Variants in ERH observed in about 807,000 individuals in gnomAD.
ERH encodes ERH mRNA splicing and mitosis factor, also known as enhancer of rudimentary homolog.
In ERH, 1 loss-of-function variant was observed where a neutral mutation model predicts 16.8. That is an observed-to-expected ratio of 0.06 (90% CI 0.02 to 0.28). ERH has a LOEUF of 0.28. Among genes scored for constraint, ERH ranks in the 10% least tolerant of loss-of-function variants. ERH has a pLI of 1.00. For synonymous variants in ERH, 43 were observed against 43.6 expected (o/e 0.99, Z 0.05); for missense variants, 42 against 127.5 (o/e 0.33, Z 3.23).
Position 69,380,548 on chromosome 14 carries a change from G to A in ERH, c.305C>T (p.Ala102Val). 7.3e-7 allele frequency: 1 copy of A among 1,363,682 alleles called. No homozygotes were observed. 84.5% of individuals were successfully genotyped at this position (1,363,682 alleles called of 1,614,324 possible). A position where few individuals can be genotyped will look rare whatever the true frequency, so the allele number is the denominator to read the frequency against. Residue 102 changes from alanine (A) to valine (V), a missense_variant, in exon 4 of 4, where the codon GCT becomes GTT. Ala to Val is a moderately conservative substitution (Grantham distance 64, BLOSUM62 0). Transcript: ENST00000557016. ...GTGCTTCCAACACAATTATTTCCCA[G>A]CCTGTTGGGCCTGCCGACGAAGGAG... ...YVLLRRQAQQ[A>V]GK
intron 3 of ERH, among the ~76,000 whole-genome samples, chr14:69,384,531 T>TGGG (rs1281400021): frequency 6.6e-6 from 1 of 152,210 alleles, no homozygotes; most frequent in African/African-American, 2.4e-5. Context: ...TCCCACTTAC[T>TGGG]GGGAGTAAGT....
chr14:69,387,385 A>G (rs930442996), intron 2 of ERH, among the ~76,000 whole-genome samples: 1 of 151,952 alleles, frequency 6.6e-6, no homozygotes, highest in African/African-American at 2.4e-5. Context: ...ACACAGGGAG[A>G]CCTCATCTCT....
chr14:69,383,619 A>G (rs565112264), intron 3 of ERH, among the ~76,000 whole-genome samples: 3 of 152,230 alleles, frequency 2.0e-5, no homozygotes, highest in East Asian at 3.8e-4. Context: ...AACATTAGAA[A>G]CAAACAAATA....
intron 1 of ERH, chr14:69,397,960 A>T (rs1882401668): frequency 1.7e-6 from 1 of 589,036 alleles, no homozygotes; most frequent in Non-Finnish European, 3.0e-6. Context: ...TCTACCGAGT[A>T]ACAATCGGGA....
At chr14:69,392,519 TG>T (rs1300723055) in intron 2 of ERH, among the ~76,000 whole-genome samples, 1 of 151,602 alleles carries the variant, frequency 6.6e-6, no homozygotes, top group Non-Finnish European at 1.5e-5. Flanking sequence ...AGGTTGAGGG[TG>T]GGGTAGGAGG....
intron 2 of ERH, among the ~76,000 whole-genome samples, chr14:69,393,401 T>C (rs1219250480): frequency 6.6e-6 from 1 of 152,254 alleles, no homozygotes; most frequent in South Asian, 2.1e-4. Context: ...ATCAACTACG[T>C]ATCCATCAAT....
At chr14:69,386,276 C>G (rs2045892402) in intron 3 of ERH, among the ~76,000 whole-genome samples, 1 of 152,222 alleles carries the variant, frequency 6.6e-6, no homozygotes, top group African/African-American at 2.4e-5. Context: ...GTATATTTCT[C>G]ATCACTGCTC....
chr14:69,393,971 T>C (rs1476423175), intron 2 of ERH, among the ~76,000 whole-genome samples: 2 of 151,104 alleles, frequency 1.3e-5, no homozygotes, highest in East Asian at 2.0e-4. Context: ...CAATAAGCCA[T>C]TATCACCACT....
chr14:69,386,652 G>T, intron 3 of ERH: 1 of 207,278 alleles, frequency 4.8e-6, no homozygotes, highest in Non-Finnish European at 9.6e-6. Context: ...AAAACCAATG[G>T]CTTTAAGACA....
intron 2 of ERH, among the ~76,000 whole-genome samples, chr14:69,389,936 T>C (rs2045914813): frequency 6.6e-6 from 1 of 152,138 alleles, no homozygotes. Flanking sequence ...TTTTTGTACT[T>C]TTTGGAGAGC....
chr14:69,393,309 C>CT (rs962259441), intron 2 of ERH, among the ~76,000 whole-genome samples: 7 of 152,138 alleles, frequency 4.6e-5, no homozygotes, highest in African/African-American at 1.7e-4. Context: ...GAGTGAGACT[C>CT]TGTCTCAAAA....
Position 69,380,330 on chromosome 14 carries a change from A to T in ERH, c.*208T>A. 1 of 265,068 alleles carries T rather than the reference A, an allele frequency of 3.8e-6. No individual in the cohort carries two copies. The highest frequency in any genetic ancestry group is 7.1e-6 in the Non-Finnish European group (1 of 140,276). 16.4% of individuals were successfully genotyped at this position (265,068 alleles called of 1,614,324 possible). ...AAATCATCATAAAAATGTTTAAGTA[A>T]AAAAAAAAAAAGAAAGAGAAAGAAA... is the stretch of plus-strand genomic sequence containing the variant. On this transcript the variant is annotated 3_prime_UTR_variant, in exon 4 of 4. Transcript: ENST00000557016.
rs578207607 is a variant in ERH, at chr14:69,382,728, A to T, written c.213-2088T>A. Among the ~76,000 whole-genome samples the T allele has an allele frequency of 2.0e-5, 3 of 150,374 alleles. No individual in the cohort carries two copies. In the South Asian group the frequency reaches 6.3e-4, roughly 32 times the overall value. On this transcript the variant is annotated intron_variant, in intron 3 of 3. Transcript: ENST00000557016. The stretch of plus-strand genomic sequence containing the variant: ...GTGGCGCGCACCTGTAGTCCCAGCT[A>T]CTCGGGAGGCTGAGGCAGGAGAATC...
At chr14:69,395,334 A>C (rs1229700660) in intron 1 of ERH, among the ~76,000 whole-genome samples, 1 of 152,116 alleles carries the variant, frequency 6.6e-6, no homozygotes, top group Non-Finnish European at 1.5e-5. Context: ...TTTCCCACAA[A>C]AATATTGATG....
At chr14:69,381,282 C>T (rs1454632329) in intron 3 of ERH, among the ~76,000 whole-genome samples, 1 of 151,874 alleles carries the variant, frequency 6.6e-6, no homozygotes, top group Admixed American at 6.6e-5. Flanking sequence ...ACAAAAACAA[C>T]AATACTAGAA....
In ERH at chr14:69,385,473, TTA is replaced by T. The variant is rs1281893383; in HGVS notation, c.212+1488_212+1489del. Among the ~76,000 whole-genome samples, 5 of 152,158 alleles carry T rather than the reference TTA, an allele frequency of 3.3e-5. No individual in the cohort carries two copies. In the East Asian group the frequency reaches 9.7e-4, roughly 29 times the overall value. The stretch of plus-strand genomic sequence containing the variant: ...CCCAAATTTGCCTGTCCTCCCTTTT[TTA>T]TGATTGAACTGTCCAAGAGCCAATT... On this transcript the variant is annotated intron_variant, in intron 3 of 3. Coordinates refer to ENST00000557016, the MANE Select transcript of ERH (RefSeq NM_004450.3).
In ERH at chr14:69,392,829, T is replaced by G. The variant is rs531877274; in HGVS notation, c.91+1996A>C. ...GAAAAACTGTAGTTTCTGTTCAATT[T>G]TTCTAGAACCCTGAAACTGCCCTGA... On this transcript the variant is annotated intron_variant, in intron 2 of 3. Coordinates refer to ENST00000557016, the MANE Select transcript of ERH (RefSeq NM_004450.3). Among the ~76,000 whole-genome samples the G allele has an allele frequency of 2.0e-5, 3 of 152,280 alleles. No individual in the cohort carries two copies. The East Asian group carries it at 5.8e-4, about 29-fold the overall frequency.
intron 2 of ERH, among the ~76,000 whole-genome samples, chr14:69,391,025 G>T (rs1475547611): frequency 6.6e-6 from 1 of 152,220 alleles, no homozygotes; most frequent in Non-Finnish European, 1.5e-5. Flanking sequence ...ATTCACGCTG[G>T]TGGGAATGCA....
intron 3 of ERH, among the ~76,000 whole-genome samples, chr14:69,384,608 AAGACAACC>A (rs2045880885): frequency 6.6e-6 from 1 of 152,240 alleles, no homozygotes; most frequent in Non-Finnish European, 1.5e-5. Context: ...TAAAACCATA[AAGACAACC>A]ATTAATTTTT....
Sources: allele counts gnomAD v4.1 joint callset (sites outside exome capture counted in the v4.1 genomes callset), GRCh38; gene constraint gnomAD v4.1.1; transcripts MANE v1.5; gene names NCBI Gene and HGNC (gene_info 2026-07-23, HGNC 2026-07-21).